The following EBF2 variants were observed in gnomAD, a reference collection of about 807,000 sequenced individuals.
The protein encoded by EBF2 is EBF transcription factor 2, also known as transcription factor COE2.
A neutral mutation model predicts 72.8 loss-of-function variants in EBF2; 21 were observed. The ratio of observed to expected loss-of-function variants is 0.29; its 90% CI spans 0.20 to 0.42. The LOEUF is 0.42. Ranked by LOEUF, EBF2 falls within the 10% of genes least tolerant of loss-of-function variation. The probability of loss-of-function intolerance (pLI) is 1.00; values close to 1 mark genes in which losing one functional copy is unlikely to be tolerated. For synonymous variants in EBF2, 299 were observed against 274.2 expected (o/e 1.09, Z -0.89); for missense variants, 637 against 731.2 (o/e 0.87, Z 1.49).
chr8:25,932,533 C>T (rs575198185), intron 6 of EBF2, among the ~76,000 whole-genome samples: 6 of 152,286 alleles, frequency 3.9e-5, no homozygotes, highest in Non-Finnish European at 7.4e-5. Context: ...CTTACCACTA[C>T]GGCAGAAGCC....
Position 25,908,475 on chromosome 8 carries a change from T to C in EBF2, c.632A>G (p.Gln211Arg). The C allele has an allele frequency of 2.5e-6, 4 of 1,611,620 alleles. No individual in the cohort carries two copies. The highest frequency in any genetic ancestry group is 3.4e-6 in the Non-Finnish European group (4 of 1,177,996). Residue 211 changes from glutamine (Q) to arginine (R), a missense_variant and splice_region_variant, in exon 7 of 16, where the codon CAG becomes CGG. By Grantham distance (43) the Gln-to-Arg change is conservative. Around this residue, in one of 3 missense-constraint regions of EBF2, gnomAD observed 204 missense variants for 301.2 expected, o/e 0.68. Coordinates refer to ENST00000520164, the MANE Select transcript of EBF2 (RefSeq NM_022659.4). Reference protein sequence around the residue: ...AGNPRDMRRFQVVLSTTVNVD... With the variant: ...AGNPRDMRRFRVVLSTTVNVD... ...GGAAAGATCTGCAGGGCCCCTTACC[T>C]GAAACCGTCTCATGTCCCTTGGGTT...
At chr8:25,853,632 A>C (rs1241974434) in intron 14 of EBF2, among the ~76,000 whole-genome samples, 1 of 152,108 alleles carries the variant, frequency 6.6e-6, no homozygotes, top group Non-Finnish European at 1.5e-5. Flanking sequence ...CACTAATTCA[A>C]TCTCTAGAAA....
intron 1 of EBF2, 117 bp from the exon 2 acceptor site, chr8:26,042,368 C>A: frequency 7.7e-7 from 1 of 1,303,698 alleles, no homozygotes; most frequent in South Asian, 1.6e-5. Flanking sequence ...GTCCAGAGTT[C>A]TGAACCCTTC....
At chr8:25,856,466 A>G (rs1452631077) in intron 14 of EBF2, among the ~76,000 whole-genome samples, 1 of 152,198 alleles carries the variant, frequency 6.6e-6, no homozygotes, top group Non-Finnish European at 1.5e-5. Flanking sequence ...CTCTTAAGTC[A>G]TTCAATAACT....
At chr8:25,869,096 T>C (rs1802385624) in intron 10 of EBF2, among the ~76,000 whole-genome samples, 1 of 152,218 alleles carries the variant, frequency 6.6e-6, no homozygotes, top group Non-Finnish European at 1.5e-5. Context: ...AATCCTGCAA[T>C]AGCACAACTT....
intron 6 of EBF2, among the ~76,000 whole-genome samples, chr8:25,949,625 C>T (rs1330925701): frequency 6.6e-6 from 1 of 152,098 alleles, no homozygotes; most frequent in Admixed American, 6.5e-5. Context: ...TAAAAGAAGA[C>T]ATTAGTACCT....
chr8:26,028,041 G>A (rs1490020061), intron 6 of EBF2, among the ~76,000 whole-genome samples: 1 of 152,126 alleles, frequency 6.6e-6, no homozygotes, highest in East Asian at 1.9e-4. Flanking sequence ...TAAATGAATG[G>A]TGGTGATAGT....
At chr8:25,864,686 G>A (rs1447848391) in intron 10 of EBF2, among the ~76,000 whole-genome samples, 1 of 151,840 alleles carries the variant, frequency 6.6e-6, no homozygotes, top group Non-Finnish European at 1.5e-5. Context: ...CTGTTTTATT[G>A]ATCTATTCTG....
At chr8:26,006,606 C>T (rs948467420) in intron 6 of EBF2, among the ~76,000 whole-genome samples, 1 of 152,154 alleles carries the variant, frequency 6.6e-6, no homozygotes, top group Non-Finnish European at 1.5e-5. Context: ...ACTATGTCGT[C>T]CAATTAATTA....
intron 6 of EBF2, among the ~76,000 whole-genome samples, chr8:25,949,444 A>G (rs976848169): frequency 4.6e-5 from 7 of 152,210 alleles, no homozygotes; most frequent in Admixed American, 4.6e-4. Context: ...AGGATTAACC[A>G]TTCATTAACT....
intron 6 of EBF2, among the ~76,000 whole-genome samples, chr8:26,015,401 G>A (rs1483732632): frequency 6.6e-6 from 1 of 152,140 alleles, no homozygotes; most frequent in Non-Finnish European, 1.5e-5. Flanking sequence ...TTAACCAGCA[G>A]TTTTCACATC....
rs1488698081 is a variant in EBF2, at chr8:25,843,398, A to G, written c.*1211T>C. 1 of 152,270 alleles carries G rather than the reference A, an allele frequency of 6.6e-6. No homozygotes were observed. The highest frequency in any genetic ancestry group is 1.5e-5 in the Non-Finnish European group (1 of 68,094). 9.4% of individuals were successfully genotyped at this position (152,270 alleles called of 1,614,324 possible). On this transcript the variant is annotated 3_prime_UTR_variant, in exon 16 of 16. Coordinates refer to ENST00000520164, the MANE Select transcript of EBF2 (RefSeq NM_022659.4). ...ACTGACTCTAAAGAGTCCATCAAAC[A>G]GAGTTATCTTCTCCAAACCGTGTTG...
chr8:26,018,112 G>GT lies in EBF2; in HGVS notation c.551+14972dup, dbSNP rs71730646. Among the ~76,000 whole-genome samples, 252 of 146,282 alleles carry GT rather than the reference G, an allele frequency of 1.7e-3. 1 individual carries two copies. Among genetic ancestry groups the GT allele is most frequent in the Admixed American group, 2.5e-3 (36 of 14,676 alleles). ...ACAACGGACCTCATAGGTTGGAAAA[G>GT]TTTTTTTTTTTTTCTCTCCCTTCGC... On this transcript the variant is annotated intron_variant, in intron 6 of 15. Transcript: ENST00000520164.
At chr8:26,034,552 G>A (rs1219615962) in intron 5 of EBF2, among the ~76,000 whole-genome samples, 3 of 152,184 alleles carry the variant, frequency 2.0e-5, no homozygotes, top group African/African-American at 4.8e-5. Flanking sequence ...CTAGACAAAT[G>A]TGAGAAGGGC....
chr8:26,040,733 C>T, intron 3 of EBF2, 62 bp from the exon 4 acceptor site: 1 of 1,538,610 alleles, frequency 6.5e-7, no homozygotes, highest in Admixed American at 2.0e-5. Context: ...ACCCCAAACC[C>T]TTCTCTGCCA....
chr8:25,953,832 C>A (rs927346511), intron 6 of EBF2, among the ~76,000 whole-genome samples: 1 of 152,220 alleles, frequency 6.6e-6, no homozygotes, highest in Non-Finnish European at 1.5e-5. Context: ...ACACTCAAAT[C>A]CTCCATCGTC....
At chr8:25,936,801 T>C (rs1369320658) in intron 6 of EBF2, among the ~76,000 whole-genome samples, 2 of 152,168 alleles carry the variant, frequency 1.3e-5, no homozygotes, top group Non-Finnish European at 2.9e-5. Flanking sequence ...AAAGTATATA[T>C]AAGAATAGCC....
chr8:25,923,884 G>C (rs1003347941), intron 6 of EBF2, among the ~76,000 whole-genome samples: 3 of 152,056 alleles, frequency 2.0e-5, no homozygotes, highest in African/African-American at 7.2e-5. Context: ...GCAGTTAGCA[G>C]ATTAATTTTG....
chr8:25,857,272 G>A lies in EBF2; in HGVS notation c.1528+1047C>T, dbSNP rs369527264. Among the ~76,000 whole-genome samples, 5 of 152,112 alleles carry A rather than the reference G, an allele frequency of 3.3e-5. No homozygotes were observed. The East Asian group carries it at 9.7e-4, about 29-fold the overall frequency. On this transcript the variant is annotated intron_variant, in intron 14 of 15. Coordinates refer to ENST00000520164, the MANE Select transcript of EBF2 (RefSeq NM_022659.4). ...TTTATCTCACCGTGTAGTGTAGAGT[G>A]TATGCATTGAACTGATAATCCAGAA...
Sources: allele counts gnomAD v4.1 joint callset (sites outside exome capture counted in the v4.1 genomes callset), GRCh38; gene constraint gnomAD v4.1.1; regional missense constraint gnomAD v4.1.1; transcripts MANE v1.5; gene names NCBI Gene and HGNC (gene_info 2026-07-23, HGNC 2026-07-21).